The following DTNB variants were observed in gnomAD, a reference collection of about 807,000 sequenced individuals.
The protein encoded by DTNB is DTN-B.
In DTNB, 63 loss-of-function variants were observed where a neutral mutation model predicts 90.7. The ratio of observed to expected loss-of-function variants is 0.69; its 90% CI spans 0.57 to 0.86. The LOEUF (loss-of-function observed/expected upper bound fraction) is 0.86. Ranked by LOEUF, DTNB falls within the 40% of genes least tolerant of loss-of-function variation. DTNB has a pLI of 0.00. For missense variants in DTNB, 744 were observed against 807.1 expected, an observed-to-expected ratio of 0.92 and a Z score of 0.95; for synonymous variants, 277 against 286.7, an observed-to-expected ratio of 0.97 and a Z score of 0.34.
At chr2:25,632,880 G>A (rs1213938421) in intron 3 of DTNB, among the ~76,000 whole-genome samples, 1 of 152,122 alleles carries the variant, frequency 6.6e-6, no homozygotes, top group Non-Finnish European at 1.5e-5. Flanking sequence ...GAAAGGTTTT[G>A]CTCTGATAAT....
chr2:25,608,595 A>G (rs931563116), intron 4 of DTNB, among the ~76,000 whole-genome samples: 4 of 152,344 alleles, frequency 2.6e-5, no homozygotes, highest in East Asian at 1.9e-4. Context: ...CTACTGCATT[A>G]TGTAAGAAAA....
At chr2:25,437,258 C>CTATTT (rs1460666391) in intron 12 of DTNB, among the ~76,000 whole-genome samples, 1 of 151,680 alleles carries the variant, frequency 6.6e-6, no homozygotes, top group Non-Finnish European at 1.5e-5. Flanking sequence ...GAACTTTTAT[C>CTATTT]TATGTACTTT....
chr2:25,445,920 GT>G lies in DTNB; in HGVS notation c.1257+5627del, dbSNP rs11453188. On this transcript the variant is annotated intron_variant, in intron 12 of 20. Transcript: ENST00000406818. ...TTAGCACACCATGTGACCCTGGGTA[GT>G]TTTTTTTTTTTTTTTTTAATCTCTC... 2.7e-3 allele frequency among the ~76,000 whole-genome samples: 376 copies of G among 137,044 alleles called. 1 individual carries two copies. Among genetic ancestry groups the G allele is most frequent in the Admixed American group, 4.8e-3 (65 of 13,656 alleles). The allele number at this position is 137,044 out of a possible 152,430, so 89.9% of individuals were successfully genotyped here. A position where few individuals can be genotyped will look rare whatever the true frequency, so the allele number is the denominator to read the frequency against.
intron 3 of DTNB, among the ~76,000 whole-genome samples, chr2:25,629,040 T>C (rs963265745): frequency 2.0e-5 from 3 of 152,146 alleles, no homozygotes; most frequent in Admixed American, 6.6e-5. Flanking sequence ...CTGGATGGAA[T>C]ATAAAAACTT....
chr2:25,567,199 T>C (rs923063693), intron 8 of DTNB, among the ~76,000 whole-genome samples: 2 of 152,234 alleles, frequency 1.3e-5, no homozygotes, highest in African/African-American at 4.8e-5. Flanking sequence ...ACAAAGTTAA[T>C]TGTTTAATTA....
intron 9 of DTNB, among the ~76,000 whole-genome samples, chr2:25,512,234 A>C (rs1209290747): frequency 6.6e-6 from 1 of 152,214 alleles, no homozygotes; most frequent in Admixed American, 6.5e-5. Context: ...TTACAGTTTG[A>C]GTAACTACTC....
chr2:25,477,968 T>A (rs1197568546), intron 10 of DTNB, among the ~76,000 whole-genome samples: 1 of 152,104 alleles, frequency 6.6e-6, no homozygotes, highest in Non-Finnish European at 1.5e-5. Flanking sequence ...ACCAAAATTT[T>A]GTTGCTATTG....
intron 2 of DTNB, 147 bp downstream of exon 2, chr2:25,652,447 A>C (rs1173473272): frequency 1.3e-6 from 1 of 760,832 alleles, no homozygotes; most frequent in African/African-American, 1.8e-5. Context: ...GGGGTCCTTC[A>C]ACTCCATGAT....
At chr2:25,405,515 G>C (rs1236822556) in intron 16 of DTNB, among the ~76,000 whole-genome samples, 2 of 152,036 alleles carry the variant, frequency 1.3e-5, no homozygotes, top group South Asian at 4.2e-4. Context: ...ACTCCACCCT[G>C]GGTGACAGAA....
intron 8 of DTNB, among the ~76,000 whole-genome samples, chr2:25,554,593 G>A (rs529246357): frequency 1.3e-5 from 2 of 152,160 alleles, no homozygotes; most frequent in Non-Finnish European, 2.9e-5. Flanking sequence ...TCTCCACGCT[G>A]CACCAGAAGA....
intron 4 of DTNB, among the ~76,000 whole-genome samples, chr2:25,625,278 TA>T (rs530483142): frequency 1.1e-3 from 164 of 152,302 alleles, no homozygotes; most frequent in Non-Finnish European, 1.9e-3. Context: ...GGCCAATCAA[TA>T]AAAAGACTAA....
chr2:25,486,716 A>G (rs1259886070), intron 9 of DTNB, among the ~76,000 whole-genome samples: 1 of 152,202 alleles, frequency 6.6e-6, no homozygotes, highest in African/African-American at 2.4e-5. Flanking sequence ...CTTGTAAGAC[A>G]TAACTGAAAA....
intron 8 of DTNB, among the ~76,000 whole-genome samples, chr2:25,556,507 A>C (rs2057381375): frequency 6.6e-6 from 1 of 152,220 alleles, no homozygotes; most frequent in South Asian, 2.1e-4. Flanking sequence ...GAAAATGCCA[A>C]CTTTCATAAA....
chr2:25,477,124 C>G (rs1403276964), intron 10 of DTNB, among the ~76,000 whole-genome samples: 1 of 152,200 alleles, frequency 6.6e-6, no homozygotes, highest in Non-Finnish European at 1.5e-5. Context: ...CTCAGATGAT[C>G]ATTAGCATTT....
At chr2:25,437,926 T>A (rs968429893) in intron 12 of DTNB, among the ~76,000 whole-genome samples, 1 of 151,858 alleles carries the variant, frequency 6.6e-6, no homozygotes, top group African/African-American at 2.4e-5. Context: ...AATATAGACA[T>A]CAGCAGGGAT....
intron 9 of DTNB, among the ~76,000 whole-genome samples, chr2:25,489,279 T>C (rs1396890976): frequency 6.6e-6 from 1 of 152,226 alleles, no homozygotes; most frequent in Non-Finnish European, 1.5e-5. Context: ...TCAGGACAGA[T>C]TATATACAAC....
chr2:25,536,880 C>G (rs2079941166), intron 8 of DTNB, among the ~76,000 whole-genome samples: 2 of 152,046 alleles, frequency 1.3e-5, no homozygotes, highest in Admixed American at 1.3e-4. Context: ...GTTGCTGGGA[C>G]TACAGGCGCG....
intron 3 of DTNB, among the ~76,000 whole-genome samples, chr2:25,636,114 A>G (rs2077075520): frequency 6.6e-6 from 1 of 152,230 alleles, no homozygotes; most frequent in Non-Finnish European, 1.5e-5. Flanking sequence ...GACCCTTTCA[A>G]TAAAAAGTGA....
intron 8 of DTNB, among the ~76,000 whole-genome samples, chr2:25,543,285 G>A (rs1424236383): frequency 6.6e-6 from 1 of 150,886 alleles, no homozygotes; most frequent in African/African-American, 2.4e-5. Context: ...AAACAGCATA[G>A]AGACAGGTTT....
Sources: gnomAD v4.1 joint callset for allele counts (sites outside exome capture counted in the v4.1 genomes callset) on GRCh38, gnomAD v4.1.1 for gene constraint, MANE v1.5 for transcripts, NCBI Gene and HGNC (gene_info 2026-07-23, HGNC 2026-07-21) for gene names.